The following TM9SF4 variants were observed in gnomAD, a reference collection of about 807,000 sequenced individuals.
TM9SF4 encodes the protein transmembrane 9 superfamily member 4, also known as dinucleotide oxidase disulfide thiol exchanger 3 superfamily member 4.
In TM9SF4, 26 loss-of-function variants were observed where a neutral mutation model predicts 90.4. The observed-to-expected ratio is 0.29, with a 90% CI of 0.21 to 0.40. TM9SF4 has a LOEUF of 0.40. Ranked by LOEUF, TM9SF4 falls within the 10% of genes least tolerant of loss-of-function variation. The pLI is 1.00. For missense variants in TM9SF4, 549 were observed against 834.8 expected, an observed-to-expected ratio of 0.66 and a Z score of 4.22; for synonymous variants, 293 against 315.4, an observed-to-expected ratio of 0.93 and a Z score of 0.75.
rs531607559 is a variant in TM9SF4, at chr20:32,129,095, C to T, written c.16-3918C>T. Among the ~76,000 whole-genome samples, 10 of 149,274 alleles carry T rather than the reference C, an allele frequency of 6.7e-5. No individual in the cohort carries two copies. In the South Asian group the frequency reaches 1.0e-3, roughly 16 times the overall value. ...AAAAGCTCATCACTAAGACATTTTG[C>T]CTCCTAAATATTTTTCCAAAGATAA... On this transcript the variant is annotated intron_variant, in intron 1 of 17. Transcript: ENST00000398022.
At chr20:32,123,866 A>ATATTTTTTT in intron 1 of TM9SF4, among the ~76,000 whole-genome samples, 6 of 93,962 alleles carry the variant, frequency 6.4e-5, no homozygotes, top group African/African-American at 2.3e-4. Flanking sequence ...ATATATATAT[A>ATATTTTTTT]TTTTTTTTTT....
chr20:32,122,248 C>CG (rs1374438376), intron 1 of TM9SF4, among the ~76,000 whole-genome samples: 1 of 78,616 alleles, frequency 1.3e-5, no homozygotes, highest in African/African-American at 4.2e-5. Flanking sequence ...GCTGGCCTGG[C>CG]GGGGGGCTGA....
At chr20:32,139,485 C>G (rs1221374601) in intron 3 of TM9SF4, among the ~76,000 whole-genome samples, 1 of 152,178 alleles carries the variant, frequency 6.6e-6, no homozygotes, top group Non-Finnish European at 1.5e-5. Flanking sequence ...GTACTCTTCT[C>G]TACCCTCACC....
chr20:32,125,157 C>T (rs905831419), intron 1 of TM9SF4, among the ~76,000 whole-genome samples: 1 of 152,112 alleles, frequency 6.6e-6, no homozygotes. Context: ...TTAGAGTGGG[C>T]CCACTGCATC....
intron 1 of TM9SF4, among the ~76,000 whole-genome samples, chr20:32,121,836 A>T (rs1240672888): frequency 5.3e-5 from 5 of 94,254 alleles, no homozygotes; most frequent in East Asian, 3.4e-4. Flanking sequence ...GGGGGGCTGA[A>T]CCCCCCACCT....
At chr20:32,111,484 A>G (rs967869260) in intron 1 of TM9SF4, among the ~76,000 whole-genome samples, 3 of 152,054 alleles carry the variant, frequency 2.0e-5, no homozygotes, top group African/African-American at 4.8e-5. Context: ...ATTCTGTTCC[A>G]GGAACTAGGG....
In TM9SF4 at chr20:32,155,150, G is replaced by T. The variant is rs2046900973; in HGVS notation, c.1293G>T (p.Leu431Phe). ...TGGTTTTTGGCATCTGCTTCGTATT[G>T]AATTGCTTCATTTGGGGAAAGCACT... ...PGVVFGICFVLNCFIWGKHSS... is the reference protein window; with the variant it reads ...PGVVFGICFVFNCFIWGKHSS... Residue 431 changes from leucine (L) to phenylalanine (F), a missense_variant, in exon 13 of 18, where the codon TTG becomes TTT. By Grantham distance (22) the Leu-to-Phe change is conservative. Around this residue, in one of 2 missense-constraint regions of TM9SF4, gnomAD observed 495 missense variants for 711.7 expected, o/e 0.70. Transcript: ENST00000398022. 1 of 1,614,150 alleles carries T rather than the reference G, an allele frequency of 6.2e-7. No individual in the cohort carries two copies. The highest frequency in any genetic ancestry group is 1.7e-5 in the Admixed American group (1 of 60,020).
At chr20:32,159,135 C>T (rs2046976362) in intron 15 of TM9SF4, 1 of 152,456 alleles carries the variant, frequency 6.6e-6, no homozygotes, top group Non-Finnish European at 1.5e-5. Flanking sequence ...ATTTCTGGGT[C>T]CTTGCACATC....
chr20:32,124,639 T>G (rs1480285588), intron 1 of TM9SF4, among the ~76,000 whole-genome samples: 1 of 151,712 alleles, frequency 6.6e-6, no homozygotes, highest in African/African-American at 2.4e-5. Context: ...CAAACTGGAG[T>G]GCAATGGCAC....
chr20:32,154,928 A>G (rs2046896537), intron 12 of TM9SF4, among the ~76,000 whole-genome samples, 175 bp from the exon 13 acceptor site: 2 of 152,218 alleles, frequency 1.3e-5, no homozygotes, highest in South Asian at 2.1e-4. Context: ...CTGAGAGGGC[A>G]TAGAACAGAG....
chr20:32,160,142 G>T, intron 16 of TM9SF4, 31 bp downstream of exon 16: 2 of 1,613,710 alleles, frequency 1.2e-6, no homozygotes, highest in Non-Finnish European at 1.7e-6. Context: ...AGGCGGGGGA[G>T]GGAGAACTGG....
intron 1 of TM9SF4, among the ~76,000 whole-genome samples, chr20:32,120,201 G>T (rs1600779425): frequency 1.3e-5 from 2 of 152,068 alleles, no homozygotes; most frequent in African/African-American, 4.8e-5. Flanking sequence ...TTTTGATAAG[G>T]ATTGCATTGA....
intron 13 of TM9SF4, among the ~76,000 whole-genome samples, chr20:32,155,958 C>G (rs1307705578): frequency 6.6e-6 from 1 of 152,168 alleles, no homozygotes; most frequent in African/African-American, 2.4e-5. Flanking sequence ...TGTTCCTTCT[C>G]CCTTTGAGCA....
chr20:32,139,060 G>A (rs2046633977), intron 3 of TM9SF4, among the ~76,000 whole-genome samples: 1 of 152,236 alleles, frequency 6.6e-6, no homozygotes, highest in Non-Finnish European at 1.5e-5. Context: ...AAAACAGGGT[G>A]GAGGGGTGAG....
chr20:32,151,509 A>G (rs2122443599), intron 12 of TM9SF4, among the ~76,000 whole-genome samples: 1 of 152,326 alleles, frequency 6.6e-6, no homozygotes, highest in East Asian at 1.9e-4. Flanking sequence ...CTCTGGGCCC[A>G]GGATTCTGAA....
intron 1 of TM9SF4, among the ~76,000 whole-genome samples, chr20:32,123,866 A>ATATATTTTTTTTTTTTTTT: frequency 7.9e-4 from 74 of 93,934 alleles, no homozygotes; most frequent in East Asian, 2.9e-3. Context: ...ATATATATAT[A>ATATATTTTTTTTTTTTTTT]TTTTTTTTTT....
In TM9SF4 at chr20:32,157,890, C is replaced by T; in HGVS notation, c.1426C>T (p.Pro476Ser). 6.2e-7 allele frequency: 1 copy of T among 1,614,164 alleles called. No individual in the cohort carries two copies. The highest frequency in any genetic ancestry group is 8.5e-7 in the Non-Finnish European group (1 of 1,180,022). Reference protein sequence around the residue: ...LGYYFGFRKQPYDNPVRTNQI... With the variant: ...LGYYFGFRKQSYDNPVRTNQI... ...CTACTACTTCGGCTTCCGAAAGCAG[C>T]CATATGACAACCCTGTGCGCACCAA... Residue 476 changes from proline to serine, a missense_variant, in exon 14 of 18, where the codon CCA (proline) becomes TCA (serine). Pro to Ser is a moderately conservative substitution (Grantham distance 74). Coordinates refer to ENST00000398022, the MANE Select transcript of TM9SF4 (RefSeq NM_014742.4).
chr20:32,160,780 C>T (rs923664533), intron 16 of TM9SF4, among the ~76,000 whole-genome samples: 21 of 151,724 alleles, frequency 1.4e-4, no homozygotes, highest in African/African-American at 4.8e-4. Context: ...GAAACCCCAT[C>T]GCTACTAAAA....
chr20:32,122,337 C>T (rs2046332278), intron 1 of TM9SF4, among the ~76,000 whole-genome samples: 1 of 151,214 alleles, frequency 6.6e-6, no homozygotes, highest in Admixed American at 6.6e-5. Context: ...GACGGGGTGG[C>T]TGCCGGGCGG....
Sources: gnomAD v4.1 joint callset for allele counts (sites outside exome capture counted in the v4.1 genomes callset) on GRCh38, gnomAD v4.1.1 for gene constraint, gnomAD v4.1.1 regional missense constraint, MANE v1.5 for transcripts, NCBI Gene and HGNC (gene_info 2026-07-23, HGNC 2026-07-21) for gene names.